PLD1: variants seen among roughly 807,000 people sequenced by gnomAD.
The protein encoded by PLD1 is choline phosphatase 1.
A neutral mutation model predicts 137.1 loss-of-function variants in PLD1; 112 were observed. The ratio of observed to expected loss-of-function variants is 0.82; its 90% CI spans 0.70 to 0.96. The LOEUF (loss-of-function observed/expected upper bound fraction) is 0.96, where lower values mean the gene tolerates loss of function less well. PLD1 is among the 40% of genes least tolerant of loss of function. The probability of loss-of-function intolerance (pLI) is 0.00; values close to 1 mark genes in which losing one functional copy is unlikely to be tolerated. For missense variants in PLD1, 1,321 were observed against 1,342.0 expected, an observed-to-expected ratio of 0.98 and a Z score of 0.24; for synonymous variants, 431 against 454.7, an observed-to-expected ratio of 0.95 and a Z score of 0.66.
In PLD1 at chr3:171,612,084, T is replaced by G. The variant is rs1001666239; in HGVS notation, c.2882+195A>C. On this transcript the variant is annotated intron_variant, in intron 25 of 26. Transcript: ENST00000351298. The surrounding 1 kb of genome is among the most constrained non-coding windows in gnomAD (Gnocchi z 4.1). ...TGCACGTGACAGTAATAAAAAGCTA[T>G]TAAAATAAAAAATATTCATGTACCA... Among the ~76,000 whole-genome samples, 1 of 152,120 alleles carries G rather than the reference T, an allele frequency of 6.6e-6. No individual in the cohort carries two copies. The highest frequency in any genetic ancestry group is 1.5e-5 in the Non-Finnish European group (1 of 68,012).
intron 1 of PLD1, among the ~76,000 whole-genome samples, chr3:171,782,564 C>CGTAT (rs1560300963): frequency 6.6e-6 from 1 of 151,916 alleles, no homozygotes; most frequent in African/African-American, 2.4e-5. Context: ...GGTGACAAGA[C>CGTAT]GTATGTTCAA....
intron 8 of PLD1, among the ~76,000 whole-genome samples, chr3:171,715,010 A>G (rs559285974): frequency 3.3e-5 from 5 of 152,248 alleles, no homozygotes; most frequent in Non-Finnish European, 7.3e-5. Context: ...CTCCAAAACT[A>G]AATTCCAAAC....
At chr3:171,777,232 T>C (rs1365863583) in intron 1 of PLD1, among the ~76,000 whole-genome samples, 1 of 152,230 alleles carries the variant, frequency 6.6e-6, no homozygotes, top group Non-Finnish European at 1.5e-5. Flanking sequence ...ATCAGTCACC[T>C]AAAAACTAGA....
chr3:171,698,144 A>G (rs1445518666), intron 12 of PLD1, among the ~76,000 whole-genome samples: 3 of 152,252 alleles, frequency 2.0e-5, no homozygotes, highest in Non-Finnish European at 4.4e-5. Context: ...GGTAGAAAGT[A>G]GTCTGGTAAG....
chr3:171,762,128 G>A (rs535402303), intron 1 of PLD1, among the ~76,000 whole-genome samples: 1 of 152,104 alleles, frequency 6.6e-6, no homozygotes, highest in Non-Finnish European at 1.5e-5. Flanking sequence ...TCCAACAGAC[G>A]AGCACCTTAC....
chr3:171,678,097 G>A (rs567074465), intron 16 of PLD1, among the ~76,000 whole-genome samples: 3 of 152,214 alleles, frequency 2.0e-5, no homozygotes, highest in Non-Finnish European at 4.4e-5. Flanking sequence ...GAGGGGAGAG[G>A]TGGAGAAACC....
intron 19 of PLD1, among the ~76,000 whole-genome samples, chr3:171,672,014 C>CT (rs1340922406): frequency 2.2e-5 from 3 of 134,040 alleles, no homozygotes; most frequent in South Asian, 2.9e-4. Context: ...CTTATGCTGT[C>CT]TAACTTCATC....
chr3:171,722,751 T>C (rs191555309), intron 8 of PLD1, among the ~76,000 whole-genome samples: 1 of 152,322 alleles, frequency 6.6e-6, no homozygotes, highest in East Asian at 1.9e-4. Context: ...GTTTTTAGCA[T>C]ATTGACAGAG....
intron 12 of PLD1, among the ~76,000 whole-genome samples, chr3:171,698,993 A>T (rs1299867949): frequency 6.6e-6 from 1 of 151,640 alleles, no homozygotes; most frequent in African/African-American, 2.4e-5. Context: ...AAAAAAAAAA[A>T]AGGTTAAGAC....
chr3:171,618,875 G>GTGTGTA (rs1470041173), intron 24 of PLD1, among the ~76,000 whole-genome samples: 6 of 151,938 alleles, frequency 3.9e-5, no homozygotes, highest in South Asian at 4.1e-4. Flanking sequence ...GTGTGTGTGT[G>GTGTGTA]TGTATGTATC....
intron 1 of PLD1, among the ~76,000 whole-genome samples, chr3:171,796,721 A>G (rs1430689436): frequency 6.6e-6 from 1 of 152,140 alleles, no homozygotes; most frequent in African/African-American, 2.4e-5. Flanking sequence ...TTCACCAACA[A>G]TTCAGACTTT....
chr3:171,787,927 G>A (rs1723070094), intron 1 of PLD1, among the ~76,000 whole-genome samples: 1 of 151,822 alleles, frequency 6.6e-6, no homozygotes, highest in African/African-American at 2.4e-5. Context: ...AATTCAGCCG[G>A]GTGCAGCAGT....
intron 23 of PLD1, among the ~76,000 whole-genome samples, chr3:171,639,556 T>TG (rs1735485556): frequency 2.7e-5 from 2 of 73,808 alleles, no homozygotes; most frequent in South Asian, 3.8e-4. Flanking sequence ...TATATTCATA[T>TG]AATATATATT....
intron 19 of PLD1, among the ~76,000 whole-genome samples, chr3:171,672,430 G>C (rs1300919005): frequency 6.6e-6 from 1 of 152,102 alleles, no homozygotes; most frequent in Non-Finnish European, 1.5e-5. Context: ...ACCTGAACAT[G>C]TGAGGGATTA....
intron 1 of PLD1, among the ~76,000 whole-genome samples, chr3:171,802,546 A>G (rs1355408333): frequency 6.6e-6 from 1 of 152,226 alleles, no homozygotes; most frequent in East Asian, 1.9e-4. Flanking sequence ...AAGATGGAAC[A>G]AAGCTTGATG....
At chr3:171,717,941 G>A (rs1384482172) in intron 8 of PLD1, among the ~76,000 whole-genome samples, 1 of 152,144 alleles carries the variant, frequency 6.6e-6, no homozygotes, top group African/African-American at 2.4e-5. Context: ...AATGAAGGAT[G>A]TTGAATTCTA....
intron 12 of PLD1, among the ~76,000 whole-genome samples, chr3:171,693,896 C>G (rs1715440488): frequency 6.6e-6 from 1 of 151,882 alleles, no homozygotes; most frequent in Non-Finnish European, 1.5e-5. Flanking sequence ...TTGAACACAC[C>G]TACTTTACAA....
intron 1 of PLD1, among the ~76,000 whole-genome samples, chr3:171,753,953 G>A (rs2108295534): frequency 6.6e-6 from 1 of 152,258 alleles, no homozygotes; most frequent in African/African-American, 2.4e-5. Context: ...TCCGTCTGCA[G>A]CTTTGCGTTC....
intron 8 of PLD1, among the ~76,000 whole-genome samples, chr3:171,718,725 A>G (rs1350491735): frequency 6.6e-6 from 1 of 152,158 alleles, no homozygotes; most frequent in Non-Finnish European, 1.5e-5. Flanking sequence ...CACTGCTTGT[A>G]AGAACTTCAG....
Sources: allele counts gnomAD v4.1 joint callset (sites outside exome capture counted in the v4.1 genomes callset), GRCh38; gene constraint gnomAD v4.1.1; non-coding constraint Gnocchi (gnomAD v3.1); transcripts MANE v1.5; gene names NCBI Gene and HGNC (gene_info 2026-07-23, HGNC 2026-07-21).